Variants in ACOXL observed in about 807,000 individuals in gnomAD.
ACOXL encodes acyl-CoA oxidase like, also known as acyl-coenzyme A oxidase-like protein.
ACOXL carries 70 observed loss-of-function variants against 71.9 expected under a neutral mutation model. The ratio of observed to expected loss-of-function variants is 0.97; its 90% confidence interval spans 0.80 to 1.19. The LOEUF (loss-of-function observed/expected upper bound fraction) is 1.19. ACOXL is among the 50% of genes most tolerant of loss of function. The pLI is 0.00. For missense variants in ACOXL, 703 were observed against 736.3 expected (o/e 0.95, Z 0.52); for synonymous variants, 253 against 281.6 (o/e 0.90, Z 1.02).
chr2:110,867,699 T>G (rs1168222524), intron 10 of ACOXL, among the ~76,000 whole-genome samples: 2 of 152,134 alleles, frequency 1.3e-5, no homozygotes, highest in African/African-American at 2.4e-5. Flanking sequence ...GTTTTAGAAA[T>G]TAGGAGATCA....
intron 5 of ACOXL, among the ~76,000 whole-genome samples, chr2:110,795,081 A>C (rs1362769990): frequency 6.6e-6 from 1 of 152,224 alleles, no homozygotes; most frequent in Non-Finnish European, 1.5e-5. Context: ...AAATGAAGCT[A>C]TGTCAGTCAG....
chr2:110,733,997 A>G (rs748490920), intron 1 of ACOXL, among the ~76,000 whole-genome samples: 1 of 152,314 alleles, frequency 6.6e-6, no homozygotes, highest in South Asian at 2.1e-4. Flanking sequence ...GATGTGTAGT[A>G]TTCCAGCAGA....
At chr2:110,736,577 G>C (rs1161542725) in intron 1 of ACOXL, among the ~76,000 whole-genome samples, 1 of 151,052 alleles carries the variant, frequency 6.6e-6, no homozygotes. Context: ...TTTGAAGGCT[G>C]AATAATATTC....
intron 1 of ACOXL, among the ~76,000 whole-genome samples, chr2:110,752,809 C>G (rs1471802332): frequency 6.6e-6 from 1 of 151,984 alleles, no homozygotes; most frequent in Non-Finnish European, 1.5e-5. Context: ...AGCTTAAACC[C>G]CAATATATAT....
At chr2:111,012,850 T>C (rs550000170) in intron 14 of ACOXL, among the ~76,000 whole-genome samples, 159 of 152,286 alleles carry the variant, frequency 1.0e-3, no homozygotes, top group African/African-American at 3.8e-3. Context: ...TTAGAAAATA[T>C]TTTTAAAAAG....
intron 12 of ACOXL, among the ~76,000 whole-genome samples, chr2:110,975,188 T>G (rs1049252749): frequency 6.6e-6 from 1 of 152,214 alleles, no homozygotes; most frequent in Admixed American, 6.5e-5. Context: ...CCCGAGGGTA[T>G]TTTCCTAAGG....
At chr2:110,774,589 A>G (rs927076556) in intron 2 of ACOXL, among the ~76,000 whole-genome samples, 1 of 152,258 alleles carries the variant, frequency 6.6e-6, no homozygotes, top group Non-Finnish European at 1.5e-5. Context: ...ATCAAAAAGA[A>G]TAAAATACTC....
chr2:111,005,622 T>C (rs1218380827), intron 14 of ACOXL, among the ~76,000 whole-genome samples: 1 of 152,222 alleles, frequency 6.6e-6, no homozygotes, highest in Non-Finnish European at 1.5e-5. Context: ...TATTCTGTTA[T>C]AGTTTTAGAC....
chr2:110,780,840 C>A (rs1340302398), intron 2 of ACOXL, among the ~76,000 whole-genome samples: 1 of 151,698 alleles, frequency 6.6e-6, no homozygotes, highest in African/African-American at 2.4e-5. Flanking sequence ...TTAAGACCAT[C>A]CTGGGCAACA....
At chr2:111,009,019 T>G (rs1192330300) in intron 14 of ACOXL, among the ~76,000 whole-genome samples, 1 of 152,234 alleles carries the variant, frequency 6.6e-6, no homozygotes, top group African/African-American at 2.4e-5. Context: ...TGAAAAAATT[T>G]TCTCCCAGTT....
At chr2:110,863,970 T>G (rs1264783017) in intron 10 of ACOXL, among the ~76,000 whole-genome samples, 1 of 152,182 alleles carries the variant, frequency 6.6e-6, no homozygotes, top group Non-Finnish European at 1.5e-5. Flanking sequence ...CTCCAATTTC[T>G]GTTTTTCCTC....
At chr2:111,052,946 C>T (rs1184223264) in intron 16 of ACOXL, among the ~76,000 whole-genome samples, 1 of 152,188 alleles carries the variant, frequency 6.6e-6, no homozygotes, top group African/African-American at 2.4e-5. Context: ...TCCTCTGCAG[C>T]CTCTTTCAGG....
At position 110,798,568 on chromosome 2, in the gene ACOXL, C is replaced by T. The variant is rs200694781; in HGVS notation, c.346-42C>T. On this transcript the variant is annotated intron_variant, in intron 5 of 17. Transcript: ENST00000439055. The stretch of plus-strand genomic sequence containing the variant: ...CTTTGAGCCAGGGAGTTGAAATGAG[C>T]CATGGGAAGGGAAACACTGTTGCTC... 2.6e-6 allele frequency: 4 copies of T among 1,519,594 alleles called. No homozygotes were observed. The African/African-American group carries it at 5.5e-5, about 21-fold the overall frequency. 94.1% of individuals were successfully genotyped at this position (1,519,594 alleles called of 1,614,324 possible).
chr2:111,031,637 A>C lies in ACOXL; in HGVS notation c.1292A>C (p.Lys431Thr). 1 of 1,614,178 alleles carries C rather than the reference A, an allele frequency of 6.2e-7. No homozygotes were observed. The highest frequency in any genetic ancestry group is 8.5e-7 in the Non-Finnish European group (1 of 1,180,014). ...VARIYYKVKT[K>T]KEDFFHAWNS... ...CTGTCGATTGGACAGGTAAAGACCA[A>C]GAAGGAGGATTTTTTCCATGCCTGG... Residue 431 changes from lysine to threonine, a missense_variant, in exon 15 of 18, where the codon AAG (lysine) becomes ACG (threonine). Transcript: ENST00000439055.
chr2:110,886,502 G>C (rs955077314), intron 10 of ACOXL, among the ~76,000 whole-genome samples: 2 of 151,298 alleles, frequency 1.3e-5, no homozygotes, highest in African/African-American at 2.4e-5. Flanking sequence ...TCAGCCTCCT[G>C]AGTAGCTGGA....
intron 14 of ACOXL, among the ~76,000 whole-genome samples, chr2:111,017,605 G>A (rs2064521039): frequency 1.3e-5 from 2 of 152,182 alleles, no homozygotes; most frequent in South Asian, 4.1e-4. Context: ...GGGAGAGAGG[G>A]GAGTCAGATT....
chr2:110,746,905 G>C (rs1324296476), intron 1 of ACOXL, among the ~76,000 whole-genome samples: 2 of 149,224 alleles, frequency 1.3e-5, no homozygotes, highest in African/African-American at 2.5e-5. Flanking sequence ...CACTTTATCT[G>C]TTCTTATCAG....
At chr2:110,801,832 C>T (rs1295188110) in intron 8 of ACOXL, 108 bp downstream of exon 8, 1 of 866,088 alleles carries the variant, frequency 1.2e-6, no homozygotes, top group Non-Finnish European at 1.9e-6. Context: ...GCATTCTTCC[C>T]CTAACCACCC....
At chr2:110,845,975 A>G (rs1691790361) in intron 10 of ACOXL, among the ~76,000 whole-genome samples, 1 of 152,162 alleles carries the variant, frequency 6.6e-6, no homozygotes, top group African/African-American at 2.4e-5. Flanking sequence ...ATCCTATGGT[A>G]ACTCTAAGTT....
Sources: gnomAD v4.1 joint callset for allele counts (sites outside exome capture counted in the v4.1 genomes callset) on GRCh38, gnomAD v4.1.1 for gene constraint, MANE v1.5 for transcripts, NCBI Gene and HGNC (gene_info 2026-07-23, HGNC 2026-07-21) for gene names.